IQSEC1: variants seen among roughly 807,000 people sequenced by gnomAD.
The protein encoded by IQSEC1 is IQ motif and Sec7 domain ArfGEF 1.
In IQSEC1, 31 loss-of-function variants were observed where a neutral mutation model predicts 91.0. The observed-to-expected ratio is 0.34, with a 90% confidence interval of 0.26 to 0.46. The LOEUF is 0.46. Ranked by LOEUF, IQSEC1 falls within the 20% of genes least tolerant of loss-of-function variation. The probability of loss-of-function intolerance (pLI) is 1.00; values close to 1 mark genes in which losing one functional copy is unlikely to be tolerated. For missense variants in IQSEC1, 1,388 were observed against 1,575.6 expected (o/e 0.88, Z 2.02); for synonymous variants, 699 against 662.6 (o/e 1.05, Z -0.84).
intron 1 of IQSEC1, among the ~76,000 whole-genome samples, chr3:13,067,043 C>A (rs1705259059): frequency 6.6e-6 from 1 of 152,340 alleles, no homozygotes; most frequent in Middle Eastern, 3.4e-3. Flanking sequence ...AGGTCAGAGG[C>A]CCAGAGAGGG....
intron 1 of IQSEC1, among the ~76,000 whole-genome samples, chr3:12,991,049 A>T (rs1010498503): frequency 6.6e-6 from 1 of 152,174 alleles, no homozygotes; most frequent in African/African-American, 2.4e-5. Flanking sequence ...GACGCTTGCT[A>T]TGATGGCCCC....
At position 12,967,590 on chromosome 3, in the gene IQSEC1, C is replaced by T. The variant is rs1446063451; in HGVS notation, c.24-25725G>A. The T allele has an allele frequency of 7.8e-7, 1 of 1,283,968 alleles. No homozygotes were observed. The highest frequency in any genetic ancestry group is 9.8e-7 in the Non-Finnish European group (1 of 1,019,074). The allele number at this position is 1,283,968 out of a possible 1,614,324, so 79.5% of individuals were successfully genotyped here. On this transcript the variant is annotated intron_variant, in intron 1 of 13. Coordinates refer to ENST00000613206, the MANE Select transcript of IQSEC1 (RefSeq NM_001134382.3). This position sits in a 1 kb window ranked among gnomAD's most constrained non-coding sequence, Gnocchi z 5.9. ...GACCCGACCACCCGCCACGCGATCA[C>T]GTCGGGGCTCCTGGTCCAGCGTCCG...
At chr3:13,109,646 T>C (rs1706207812) in intron 2 of IQSEC1, among the ~76,000 whole-genome samples, 1 of 151,990 alleles carries the variant, frequency 6.6e-6, no homozygotes, top group Admixed American at 6.6e-5. Flanking sequence ...GACCCTCCTC[T>C]CTCTCTCCTG....
At chr3:13,236,405 T>G (rs941910717) in intron 1 of IQSEC1, among the ~76,000 whole-genome samples, 8 of 152,206 alleles carry the variant, frequency 5.3e-5, no homozygotes, top group African/African-American at 1.9e-4. Flanking sequence ...CTGGCCATCT[T>G]TTCTGCGCAT....
Position 13,267,467 on chromosome 3 carries a change from G to A in IQSEC1, c.272+15244C>T, listed in dbSNP as rs113340919. On this transcript the variant is annotated intron_variant, in intron 1 of 15. Transcript: ENST00000648114. The stretch of plus-strand genomic sequence containing the variant: ...CTGACATTCTGATGAAATAAAAGCC[G>A]CGTTTTCCATCCCTCTGGTTGCCTC... 3.4e-3 allele frequency among the ~76,000 whole-genome samples: 513 copies of A among 152,212 alleles called. 3 individuals carry two copies. Among genetic ancestry groups the A allele is most frequent in the African/African-American group, 0.011 (477 of 41,528 alleles).
rs1301747772 is a variant in IQSEC1, at chr3:12,900,177, AAAGC to A, written c.*802_*805del. The A allele has an allele frequency of 1.0e-6, 1 of 973,456 alleles. No individual in the cohort carries two copies. Among genetic ancestry groups the A allele is most frequent in the Non-Finnish European group, 1.2e-6 (1 of 819,054 alleles). The allele number at this position is 973,456 out of a possible 1,614,324, so 60.3% of individuals were successfully genotyped here. On this transcript the variant is annotated 3_prime_UTR_variant, in exon 14 of 14. Transcript: ENST00000613206. ...CTGTTAATAAAATAAGGATTTATAC[AAAGC>A]AATACTGGACTTTTTAAACAGTTAG...
At chr3:13,263,742 G>A (rs1339114984) in intron 1 of IQSEC1, among the ~76,000 whole-genome samples, 2 of 152,070 alleles carry the variant, frequency 1.3e-5, no homozygotes, top group Non-Finnish European at 2.9e-5. Context: ...AATGTGCCCA[G>A]CCCCACTTTT....
chr3:12,951,738 C>T (rs980835130), intron 1 of IQSEC1, among the ~76,000 whole-genome samples: 3 of 152,128 alleles, frequency 2.0e-5, no homozygotes, highest in East Asian at 1.9e-4. Flanking sequence ...CAATGCTGGT[C>T]GCCTCCCCTG....
chr3:13,141,266 G>A (rs779563680), intron 2 of IQSEC1, among the ~76,000 whole-genome samples: 1 of 152,230 alleles, frequency 6.6e-6, no homozygotes, highest in Non-Finnish European at 1.5e-5. Context: ...TAGGATCAGA[G>A]CAATGGAAAC....
intron 2 of IQSEC1, among the ~76,000 whole-genome samples, chr3:13,145,807 G>GC (rs533063728): frequency 6.0e-4 from 45 of 74,764 alleles, no homozygotes; most frequent in African/African-American, 2.0e-3. Flanking sequence ...CCGGGGGCGG[G>GC]GGGGGGGGGT....
rs1183350160 is a variant in IQSEC1 at position 13,193,771 on chromosome 3, C to T, written c.273-29638G>A. On this transcript the variant is annotated intron_variant, in intron 1 of 15. Coordinates refer to the IQSEC1 transcript ENST00000648114. This position sits in a 1 kb window ranked among gnomAD's most constrained non-coding sequence, Gnocchi z 4.2. ...TGTGCTGGACGCTGTCCCACTTCCC[C>T]CGGCCCCACACCCTCCTGCCTGCAC... Among the ~76,000 whole-genome samples the T allele has an allele frequency of 6.6e-6, 1 of 152,186 alleles. No homozygotes were observed. Among genetic ancestry groups the T allele is most frequent in the Non-Finnish European group, 1.5e-5 (1 of 68,034 alleles).
rs1695214585 is a variant in IQSEC1 at position 13,252,672 on chromosome 3, G to T, written c.272+30039C>A. The stretch of plus-strand genomic sequence containing the variant: ...ACATTCCCACCAGCAAGGCACAAGG[G>T]TTCCAATTTCTCCACAACTTCACCA... On this transcript the variant is annotated intron_variant, in intron 1 of 15. Coordinates refer to the IQSEC1 transcript ENST00000648114. 2.0e-5 allele frequency among the ~76,000 whole-genome samples: 3 copies of T among 152,062 alleles called. No individual in the cohort carries two copies. The South Asian group carries it at 6.2e-4, about 32-fold the overall frequency.
chr3:13,049,133 C>T (rs1024094942), intron 1 of IQSEC1, among the ~76,000 whole-genome samples: 1 of 152,226 alleles, frequency 6.6e-6, no homozygotes, highest in African/African-American at 2.4e-5. Flanking sequence ...AGAACCCACA[C>T]TGGGCATGGT....
intron 1 of IQSEC1, among the ~76,000 whole-genome samples, chr3:13,213,658 C>T (rs1015171447): frequency 1.3e-5 from 2 of 152,170 alleles, no homozygotes; most frequent in African/African-American, 4.8e-5. Flanking sequence ...GAAATCCAAA[C>T]AATCCACACA....
At chr3:13,239,417 G>A (rs969114853) in intron 1 of IQSEC1, among the ~76,000 whole-genome samples, 1 of 152,206 alleles carries the variant, frequency 6.6e-6, no homozygotes, top group Non-Finnish European at 1.5e-5. Context: ...TCACCATCTC[G>A]GGCCTGCTTC....
rs541295374 is a variant in IQSEC1, at chr3:12,899,852, G to A, written c.*1131C>T. ...GGGATGAGGACGTTATGGTGTTGGG[G>A]AGACGAGGATGAGAGCTGGTCACTT... On this transcript the variant is annotated 3_prime_UTR_variant, in exon 14 of 14. Transcript: ENST00000613206. 14 of 985,370 alleles carry A rather than the reference G, an allele frequency of 1.4e-5. No homozygotes were observed. In the East Asian group the frequency reaches 1.1e-3, roughly 80 times the overall value. 61.0% of individuals were successfully genotyped at this position (985,370 alleles called of 1,614,324 possible).
intron 2 of IQSEC1, among the ~76,000 whole-genome samples, chr3:13,102,515 G>A (rs576187668): frequency 8.5e-5 from 13 of 152,238 alleles, no homozygotes; most frequent in South Asian, 6.2e-4. Context: ...AGTAATAGGC[G>A]TGAAAACCTG....
chr3:12,905,227 G>A (rs1442901853), intron 12 of IQSEC1, among the ~76,000 whole-genome samples: 1 of 152,252 alleles, frequency 6.6e-6, no homozygotes, highest in African/African-American at 2.4e-5. Context: ...GGCAGAGCCT[G>A]GAGGGACTTG....
intron 1 of IQSEC1, among the ~76,000 whole-genome samples, chr3:13,007,703 G>T (rs550701114): frequency 6.6e-6 from 1 of 152,340 alleles, no homozygotes; most frequent in South Asian, 2.1e-4. Flanking sequence ...CTTTGCTGCT[G>T]CTTGAAAGCC....
Sources: gnomAD v4.1 joint callset for allele counts (sites outside exome capture counted in the v4.1 genomes callset) on GRCh38, gnomAD v4.1.1 for gene constraint, Gnocchi (gnomAD v3.1) non-coding constraint, MANE v1.5 for transcripts, NCBI Gene and HGNC (gene_info 2026-07-23, HGNC 2026-07-21) for gene names.